GALNT10: variants seen among roughly 807,000 people sequenced by gnomAD.
GALNT10 encodes the protein polypeptide N-acetylgalactosaminyltransferase 10, also known as GalNAc transferase 10.
GALNT10 carries 41 observed loss-of-function variants against 75.0 expected under a neutral mutation model. That is an observed-to-expected ratio of 0.55 (90% CI 0.43 to 0.71). The LOEUF (loss-of-function observed/expected upper bound fraction) is 0.71, where lower values mean the gene tolerates loss of function less well. Among genes scored for constraint, GALNT10 ranks in the 30% least tolerant of loss-of-function variants. The pLI, the probability that GALNT10 is intolerant of heterozygous loss-of-function variation, is 0.00. For synonymous variants in GALNT10, 302 were observed against 313.0 expected (o/e 0.96, Z 0.37); for missense variants, 727 against 818.5 (o/e 0.89, Z 1.36).
chr5:154,235,526 G>A (rs980944686), intron 1 of GALNT10, among the ~76,000 whole-genome samples: 17 of 152,114 alleles, frequency 1.1e-4, no homozygotes, highest in African/African-American at 4.1e-4. Context: ...CTGTTCTCTG[G>A]AACCCACGTG....
intron 1 of GALNT10, among the ~76,000 whole-genome samples, chr5:154,261,008 A>G (rs1343402087): frequency 7.3e-6 from 1 of 137,610 alleles, no homozygotes; most frequent in African/African-American, 2.6e-5. Flanking sequence ...GCTTGGGATG[A>G]GTTATGGGAT....
intron 4 of GALNT10, among the ~76,000 whole-genome samples, chr5:154,339,044 G>C (rs1311779732): frequency 6.6e-6 from 1 of 152,222 alleles, no homozygotes. Flanking sequence ...ACCTCCCTTA[G>C]AGGTGAAATA....
At chr5:154,321,122 T>TA (rs1561660299) in intron 3 of GALNT10, among the ~76,000 whole-genome samples, 1 of 152,230 alleles carries the variant, frequency 6.6e-6, no homozygotes, top group Non-Finnish European at 1.5e-5. Flanking sequence ...TTGGTTTACT[T>TA]ACTTGATCAC....
At chr5:154,284,375 A>G (rs984693441) in intron 1 of GALNT10, among the ~76,000 whole-genome samples, 1 of 152,222 alleles carries the variant, frequency 6.6e-6, no homozygotes, top group Non-Finnish European at 1.5e-5. Flanking sequence ...GATTATGATT[A>G]TAATTATTAC....
intron 1 of GALNT10, among the ~76,000 whole-genome samples, chr5:154,255,738 G>A (rs1753596803): frequency 6.6e-6 from 1 of 151,908 alleles, no homozygotes; most frequent in South Asian, 2.1e-4. Context: ...CTCTCAAGGA[G>A]TAGGCAAAGG....
chr5:154,382,059 C>T (rs1755742718), intron 6 of GALNT10, among the ~76,000 whole-genome samples: 1 of 152,186 alleles, frequency 6.6e-6, no homozygotes, highest in African/African-American at 2.4e-5. Context: ...CACAGTTTGG[C>T]CTTCAGTGAA....
chr5:154,362,036 G>T (rs1390474184), intron 4 of GALNT10, among the ~76,000 whole-genome samples: 1 of 152,170 alleles, frequency 6.6e-6, no homozygotes, highest in Non-Finnish European at 1.5e-5. Context: ...CCTCTCCAGG[G>T]CTGAGAGTCT....
At chr5:154,253,706 CTTTTTTTTTTTTTT>C (rs33933907) in intron 1 of GALNT10, among the ~76,000 whole-genome samples, 2 of 72,660 alleles carry the variant, frequency 2.8e-5, no homozygotes, top group East Asian at 3.8e-4. Flanking sequence ...AAAGCCTCCT[CTTTTTTTTTTTTTT>C]TTTTTTTTTT....
intron 1 of GALNT10, among the ~76,000 whole-genome samples, chr5:154,233,994 C>A (rs1029860957): frequency 5.9e-5 from 9 of 152,070 alleles, no homozygotes; most frequent in African/African-American, 2.2e-4. Flanking sequence ...CTGGGAGGGG[C>A]CCTAGCAATG....
intron 1 of GALNT10, among the ~76,000 whole-genome samples, chr5:154,256,353 G>T (rs73802974): frequency 0.021 from 394 of 18,864 alleles, 2 homozygotes; most frequent in African/African-American, 0.036. Context: ...TGTTGTTTTT[G>T]TTTTTTTTTT....
chr5:154,340,116 G>T (rs1411673282), intron 4 of GALNT10, among the ~76,000 whole-genome samples: 2 of 152,196 alleles, frequency 1.3e-5, no homozygotes. Flanking sequence ...CAACCTAACA[G>T]TAGCTTCCTT....
At chr5:154,196,659 T>C (rs1289466420) in intron 1 of GALNT10, among the ~76,000 whole-genome samples, 9 of 152,216 alleles carry the variant, frequency 5.9e-5, no homozygotes. Context: ...CTGTCTCCTC[T>C]GGTAGCTTCT....
intron 1 of GALNT10, among the ~76,000 whole-genome samples, chr5:154,269,274 A>T (rs1753825614): frequency 6.6e-6 from 1 of 152,154 alleles, no homozygotes; most frequent in African/African-American, 2.4e-5. Flanking sequence ...AAAAGTATTA[A>T]GCTTAATAAA....
chr5:154,273,089 C>T (rs1021072558), intron 1 of GALNT10, among the ~76,000 whole-genome samples: 1 of 152,068 alleles, frequency 6.6e-6, no homozygotes, highest in Non-Finnish European at 1.5e-5. Context: ...AGAGTGGCCT[C>T]AGAGCCAGGA....
At chr5:154,260,096 T>A (rs2443515) in intron 1 of GALNT10, among the ~76,000 whole-genome samples, 99,402 of 152,012 alleles carry the variant, frequency 0.65, 32,872 homozygotes, top group East Asian at 0.86. Flanking sequence ...TTGTTTTTTG[T>A]TTGTGTGCAG....
At position 154,225,618 on chromosome 5, in the gene GALNT10, G is replaced by A. The variant is rs759154103; in HGVS notation, c.159+34593G>A. Among the ~76,000 whole-genome samples the A allele has an allele frequency of 1.6e-4, 24 of 151,358 alleles. 1 individual carries two copies. Among genetic ancestry groups the A allele is most frequent in the Non-Finnish European group, 3.2e-4 (22 of 67,880 alleles). On this transcript the variant is annotated intron_variant, in intron 1 of 11. Transcript: ENST00000297107. ...GAGGTCTCACTGTGTTGCCCAGGTTGGTCTTGAATTCCTGAGCTCAAGCGA... is the reference window on the plus strand; with the variant it reads ...GAGGTCTCACTGTGTTGCCCAGGTTAGTCTTGAATTCCTGAGCTCAAGCGA...
chr5:154,216,618 G>A (rs564470179), intron 1 of GALNT10, among the ~76,000 whole-genome samples: 1 of 152,234 alleles, frequency 6.6e-6, no homozygotes, highest in East Asian at 1.9e-4. Flanking sequence ...TTAGAAATTT[G>A]TAATCATAAA....
At chr5:154,295,202 A>C (rs1274894290) in intron 2 of GALNT10, among the ~76,000 whole-genome samples, 1 of 152,156 alleles carries the variant, frequency 6.6e-6, no homozygotes, top group South Asian at 2.1e-4. Context: ...TGTCTCCCTC[A>C]TAAAGGATAT....
chr5:154,252,671 G>T (rs887899801), intron 1 of GALNT10, among the ~76,000 whole-genome samples: 1 of 151,056 alleles, frequency 6.6e-6, no homozygotes, highest in Non-Finnish European at 1.5e-5. Flanking sequence ...AGTGTTGGTT[G>T]TCCTGAGCTG....
Sources: gnomAD v4.1 joint callset for allele counts (sites outside exome capture counted in the v4.1 genomes callset) on GRCh38, gnomAD v4.1.1 for gene constraint, MANE v1.5 for transcripts, NCBI Gene and HGNC (gene_info 2026-07-23, HGNC 2026-07-21) for gene names.